Variants in MUC4 observed in about 807,000 individuals in gnomAD.
MUC4 encodes mucin-4.
In MUC4, 202 loss-of-function variants were observed where a neutral mutation model predicts 257.9. The observed-to-expected ratio is 0.78, with a 90% CI of 0.70 to 0.88. The LOEUF is 0.88. MUC4 is among the 40% of genes least tolerant of loss of function. The pLI, the probability that MUC4 is intolerant of heterozygous loss-of-function variation, is 0.00. For missense variants in MUC4, 5,976 were observed against 6,513.7 expected (o/e 0.92, Z 2.84); for synonymous variants, 2,351 against 2,757.1 (o/e 0.85, Z 4.62).
intron 1 of MUC4, among the ~76,000 whole-genome samples, chr3:195,803,642 A>C (rs1735625266): frequency 6.6e-6 from 1 of 152,118 alleles, no homozygotes; most frequent in South Asian, 2.1e-4. Flanking sequence ...TAGCGGCCCC[A>C]TTTCACAGGC....
chr3:195,764,637 G>A (rs932820109), intron 10 of MUC4, among the ~76,000 whole-genome samples: 2 of 151,948 alleles, frequency 1.3e-5, no homozygotes, highest in Non-Finnish European at 2.9e-5. Context: ...ACACCCCTGC[G>A]CTCTCCAGCT....
At chr3:195,802,137 C>G (rs1266160932) in intron 1 of MUC4, among the ~76,000 whole-genome samples, 1 of 152,238 alleles carries the variant, frequency 6.6e-6, no homozygotes. Flanking sequence ...CCAGGTCAAT[C>G]TTTCCTTGCA....
chr3:195,773,970 C>T (rs533329912), intron 4 of MUC4, among the ~76,000 whole-genome samples: 1 of 152,332 alleles, frequency 6.6e-6, no homozygotes, highest in South Asian at 2.1e-4. Context: ...GCAGAAGCAG[C>T]GGTGGGCCCA....
chr3:195,763,066 G>T, intron 12 of MUC4, 121 bp from the exon 13 acceptor site: 1 of 838,368 alleles, frequency 1.2e-6, no homozygotes, highest in Non-Finnish European at 1.9e-6. Context: ...AGGCGCTGGA[G>T]GCCGCGGCCT....
chr3:195,754,641 C>T (rs530071448), intron 18 of MUC4, among the ~76,000 whole-genome samples: 2 of 152,378 alleles, frequency 1.3e-5, no homozygotes, highest in South Asian at 4.1e-4. Context: ...CAGCCTCTTC[C>T]CTCTCACACT....
intron 3 of MUC4, among the ~76,000 whole-genome samples, chr3:195,774,994 G>T (rs1724023855): frequency 6.6e-6 from 1 of 151,716 alleles, no homozygotes; most frequent in Non-Finnish European, 1.5e-5. Context: ...TTCCTAAGAC[G>T]GCCTTTCTCC....
intron 1 of MUC4, among the ~76,000 whole-genome samples, chr3:195,808,421 G>A (rs1736268353): frequency 6.6e-6 from 1 of 151,892 alleles, no homozygotes; most frequent in Non-Finnish European, 1.5e-5. Flanking sequence ...GGCCAAGCTG[G>A]TCTTGAACTC....
chr3:195,781,197 G>T lies in MUC4; in HGVS notation c.10383C>A (p.Asp3461Glu), dbSNP rs201849720. ...TGHTTPLPVTDTSSASTGDTT... is the reference protein window; with the variant it reads ...TGHTTPLPVTETSSASTGDTT... ...TGTCACCTGTGGATGCTGAGGAAGT[G>T]TCGGTGACAGGAAGAGGGGTGGTGT... is the stretch of plus-strand genomic sequence containing the variant. The change falls in exon 2 of 25, where the codon GAC becomes GAA. Residue 3461 changes from aspartate to glutamate, a missense_variant. This residue lies in a region of MUC4 where 297 missense variants were observed against 240.9 expected (regional missense o/e 1.23). Transcript: ENST00000463781. 4 of 1,410,842 alleles carry T rather than the reference G, an allele frequency of 2.8e-6. No homozygotes were observed. Among genetic ancestry groups the T allele is most frequent in the Admixed American group, 4.4e-5 (2 of 45,022 alleles). The allele number at this position is 1,410,842 out of a possible 1,614,324, so 87.4% of individuals were successfully genotyped here.
In MUC4 at chr3:195,757,481, C is replaced by T. The variant is rs1475383328; in HGVS notation, c.14987-153G>A. Among the ~76,000 whole-genome samples the T allele has an allele frequency of 2.0e-5, 3 of 150,312 alleles. No homozygotes were observed. Among genetic ancestry groups the T allele is most frequent in the South Asian group, 2.2e-4 (1 of 4,634 alleles). On this transcript the variant is annotated intron_variant, in intron 17 of 24. Transcript: ENST00000463781. This position sits in a 1 kb window ranked among gnomAD's most constrained non-coding sequence, Gnocchi z 4.8. Reference sequence around the variant, plus strand: ...CATTTCCTTTGAGCAAGGCTGGTATCGGGGGTGATCCTGGTCACGCTCCCA... The same window carrying T: ...CATTTCCTTTGAGCAAGGCTGGTATTGGGGGTGATCCTGGTCACGCTCCCA...
chr3:195,791,586 A>G, intron 1 of MUC4, 89 bp from the exon 2 acceptor site: 1 of 808,404 alleles, frequency 1.2e-6, no homozygotes, highest in East Asian at 2.5e-5. Context: ...AATACCTAGG[A>G]ATACAGCTAA....
Position 195,746,885 on chromosome 3 carries a change from C to CGT in MUC4, c.*289_*290dup, listed in dbSNP as rs71180950. 0.011 allele frequency: 5,548 copies of CGT among 483,910 alleles called. 38 individuals carry two copies. The highest frequency in any genetic ancestry group is 0.092 in the African/African-American group (4,650 of 50,272). 30.0% of individuals were successfully genotyped at this position (483,910 alleles called of 1,614,324 possible). On this transcript the variant is annotated 3_prime_UTR_variant, in exon 25 of 25. Transcript: ENST00000463781. The stretch of plus-strand genomic sequence containing the variant: ...TAGGGCCATCACCACATTATGAACT[C>CGT]GTGTGTGTGTGTGTGTGTGTGCACG...
Position 195,767,729 on chromosome 3 carries a change from A to ATTG in MUC4, c.13530-979_13530-978insCAA, listed in dbSNP as rs1721472431. Among the ~76,000 whole-genome samples, 5 of 1,110 alleles carry ATTG rather than the reference A, an allele frequency of 4.5e-3. 1 individual carries two copies. The highest frequency in any genetic ancestry group is 8.6e-3 in the Non-Finnish European group (4 of 466). The allele number at this position is 1,110 out of a possible 152,430, so 0.7% of individuals were successfully genotyped here. Reference sequence around the variant, plus strand: ...ACCACCATCGGCCACCACCACCATCACCACCACCATCACCATCGCCACCAC... The same window carrying ATTG: ...ACCACCATCGGCCACCACCACCATCATTGCCACCACCATCACCATCGCCACCAC... On this transcript the variant is annotated intron_variant, in intron 7 of 24. Coordinates refer to ENST00000463781, the MANE Select transcript of MUC4 (RefSeq NM_018406.7).
At position 195,774,230 on chromosome 3, in the gene MUC4, G is replaced by C. The variant is rs748556294; in HGVS notation, c.13019C>G (p.Pro4340Arg). Residue 4340 changes from proline to arginine, a missense_variant, in exon 4 of 25, where the codon CCA becomes CGA. Transcript: ENST00000463781. ...FVRRTVDFTS[P>R]LFKPATGFPL... ...GAAGCCAGTCGCCGGCTTGAAGAGT[G>C]GGGAGGTGAAGTCCACGGTCCTCCT... 2.5e-6 allele frequency: 4 copies of C among 1,607,720 alleles called. No individual in the cohort carries two copies. The Admixed American group carries it at 5.1e-5, about 20-fold the overall frequency.
At chr3:195,800,972 T>C (rs1735227128) in intron 1 of MUC4, among the ~76,000 whole-genome samples, 1 of 151,618 alleles carries the variant, frequency 6.6e-6, no homozygotes, top group Non-Finnish European at 1.5e-5. Flanking sequence ...GTGATTCTGA[T>C]GCAGGTGGTC....
In MUC4 at chr3:195,757,759, T is replaced by G. The variant is rs528276129; in HGVS notation, c.14987-431A>C. ...CCTGATTTCTCACCCACCCCCCACTTCCTGGACCTTTCCCAGACACCCCCT... is the reference window on the plus strand; with the variant it reads ...CCTGATTTCTCACCCACCCCCCACTGCCTGGACCTTTCCCAGACACCCCCT... On this transcript the variant is annotated intron_variant, in intron 17 of 24. Coordinates refer to ENST00000463781, the MANE Select transcript of MUC4 (RefSeq NM_018406.7). The surrounding 1 kb of genome is among the most constrained non-coding windows in gnomAD (Gnocchi z 4.8). Among the ~76,000 whole-genome samples the G allele has an allele frequency of 6.1e-4, 93 of 152,012 alleles. No individual in the cohort carries two copies. Among genetic ancestry groups the G allele is most frequent in the Admixed American group, 1.8e-3 (28 of 15,280 alleles).
rs1158148578 is a variant in MUC4 at position 195,789,877 on chromosome 3, G to A, written c.1703C>T (p.Thr568Ile). 6.2e-7 allele frequency: 1 copy of A among 1,614,028 alleles called. No homozygotes were observed. Among genetic ancestry groups the A allele is most frequent in the East Asian group, 2.2e-5 (1 of 44,888 alleles). ...TTGAGAQTQW[T>I]QETGTTGEAL... ...CTCTCCAGTGGTCCCCGTTTCTTGT[G>A]TCCATTGTGTCTGGGCGCCTGCCCC... The change falls in exon 2 of 25, where the codon ACA (threonine) becomes ATA (isoleucine). Residue 568 changes from threonine to isoleucine, a missense_variant. Physicochemically the swap from Thr to Ile is moderately conservative, Grantham distance 89 (BLOSUM62 -1). This residue lies in a region of MUC4 where 1,583 missense variants were observed against 1,257.4 expected (regional missense o/e 1.26). Coordinates refer to ENST00000463781, the MANE Select transcript of MUC4 (RefSeq NM_018406.7).
chr3:195,786,223 G>C lies in MUC4; in HGVS notation c.5357C>G (p.Ser1786Cys). The change falls in exon 2 of 25, where the codon TCC (serine) becomes TGC (cysteine). Residue 1786 changes from serine (S) to cysteine (C), a missense_variant. Around this residue, in one of 44 missense-constraint regions of MUC4, gnomAD observed 19 missense variants for 31.6 expected, o/e 0.60. Transcript: ENST00000463781. ...AGGAAGACGGGTGGTGTCATCTGTG[G>C]AAGCTGAAGAAAGGCCGGTGACAGG... is the stretch of plus-strand genomic sequence containing the variant. ...PLPVTGLSSA[S>C]TDDTTRLPVT... The C allele has an allele frequency of 6.8e-7, 1 of 1,478,296 alleles. No homozygotes were observed. The highest frequency in any genetic ancestry group is 1.2e-5 in the South Asian group (1 of 80,834). 91.6% of individuals were successfully genotyped at this position (1,478,296 alleles called of 1,614,324 possible). A position where few individuals can be genotyped will look rare whatever the true frequency, so the allele number is the denominator to read the frequency against.
In MUC4 at chr3:195,747,151, G is replaced by C. The variant is rs1715184392; in HGVS notation, c.*25C>G. 2 of 1,613,708 alleles carry C rather than the reference G, an allele frequency of 1.2e-6. No homozygotes were observed. The highest frequency in any genetic ancestry group is 2.2e-5 in the South Asian group (2 of 91,082). ...GCGGTAAGGATGAGGTGAGTCTTGA[G>C]GTAGCCTAGGCCACAGCTGCCCCTT... On this transcript the variant is annotated 3_prime_UTR_variant, in exon 25 of 25. Transcript: ENST00000463781.
rs747928670 is a variant in MUC4, at chr3:195,783,470, A to G, written c.8110T>C (p.Ser2704Pro). 0.39 allele frequency: 64,263 copies of G among 164,522 alleles called. 6,299 individuals carry two copies. The highest frequency in any genetic ancestry group is 0.43 in the Non-Finnish European group (53,290 of 123,996). The allele number at this position is 164,522 out of a possible 1,614,324, so 10.2% of individuals were successfully genotyped here. The change falls in exon 2 of 25, where the codon TCT becomes CCT. Residue 2704 changes from serine to proline, a missense_variant. This residue lies in a region of MUC4 where 75 missense variants were observed against 58.7 expected (regional missense o/e 1.28). Transcript: ENST00000463781. ...TSSASTGDTTSLPVTDTSSAY... is the reference protein window; with the variant it reads ...TSSASTGDTTPLPVTDTSSAY... ...GAGGAAGTGTCGGTGACAGGAAGAG[A>G]GGTGGTGTCACCTGTGGATGCTGAG... is the stretch of plus-strand genomic sequence containing the variant.
Sources: allele counts gnomAD v4.1 joint callset (sites outside exome capture counted in the v4.1 genomes callset), GRCh38; gene constraint gnomAD v4.1.1; regional missense constraint gnomAD v4.1.1; non-coding constraint Gnocchi (gnomAD v3.1); transcripts MANE v1.5; gene names NCBI Gene and HGNC (gene_info 2026-07-23, HGNC 2026-07-21).